The following KCNH1 variants were observed in gnomAD, a reference collection of about 807,000 sequenced individuals.
KCNH1 encodes the protein potassium voltage-gated channel subfamily H member 1, also known as voltage-gated delayed rectifier potassium channel KCNH1.
Under a neutral mutation model 69.2 loss-of-function variants are expected in KCNH1, and 27 were observed. The observed-to-expected ratio is 0.39, with a 90% CI of 0.29 to 0.54. The LOEUF (loss-of-function observed/expected upper bound fraction) is 0.54, where lower values mean the gene tolerates loss of function less well. KCNH1 is among the 20% of genes least tolerant of loss of function. The probability of loss-of-function intolerance (pLI) is 0.68; values close to 1 mark genes in which losing one functional copy is unlikely to be tolerated. For synonymous variants in KCNH1, 456 were observed against 487.7 expected, an observed-to-expected ratio of 0.93 and a Z score of 0.86; for missense variants, 798 against 1,261.6, an observed-to-expected ratio of 0.63 and a Z score of 5.57.
intron 6 of KCNH1, among the ~76,000 whole-genome samples, chr1:211,004,694 A>G (rs140813706): frequency 1.3e-5 from 2 of 152,286 alleles, no homozygotes; most frequent in East Asian, 3.9e-4. Flanking sequence ...AATCCTTCAA[A>G]TTAAAGACAA....
intron 6 of KCNH1, among the ~76,000 whole-genome samples, chr1:210,922,408 A>C (rs1178567571): frequency 8.9e-6 from 1 of 112,990 alleles, no homozygotes; most frequent in Admixed American, 9.3e-5. Flanking sequence ...AAAAAAAAAA[A>C]AAAAAAAAAA....
At chr1:210,764,236 T>C (rs1273637590) in intron 10 of KCNH1, among the ~76,000 whole-genome samples, 1 of 152,124 alleles carries the variant, frequency 6.6e-6, no homozygotes, top group Non-Finnish European at 1.5e-5. Flanking sequence ...AATTAAAGAC[T>C]TAAATGTAAT....
rs1235295613 is a variant in KCNH1, at chr1:210,788,744, T to C, written c.1915+8764A>G. Among the ~76,000 whole-genome samples, 5 of 128,700 alleles carry C rather than the reference T, an allele frequency of 3.9e-5. No homozygotes were observed. The South Asian group carries it at 1.4e-3, about 35-fold the overall frequency. The allele number at this position is 128,700 out of a possible 152,430, so 84.4% of individuals were successfully genotyped here. A position where few individuals can be genotyped will look rare whatever the true frequency, so the allele number is the denominator to read the frequency against. On this transcript the variant is annotated intron_variant, in intron 9 of 10. Coordinates refer to ENST00000271751, the MANE Select transcript of KCNH1 (RefSeq NM_172362.3). Reference sequence around the variant, plus strand: ...CGGAGTCTCGCTCTGTCGCCCAGGCTGGAGTGCAGTGGCGGGATCTCGGCT... The same window carrying C: ...CGGAGTCTCGCTCTGTCGCCCAGGCCGGAGTGCAGTGGCGGGATCTCGGCT...
chr1:210,815,153 C>T (rs770446761), intron 7 of KCNH1, among the ~76,000 whole-genome samples: 27 of 152,092 alleles, frequency 1.8e-4, no homozygotes, highest in African/African-American at 4.8e-4. Flanking sequence ...GGGGTGAGAC[C>T]GAGAAATTTG....
rs1444719204 is a variant in KCNH1, at chr1:210,914,169, A to T, written c.1462+5471T>A. ...CAGCAGAACCCATATCCTACTTTTT[A>T]AAAAGTGTGGCCAATAGCACTGAAG... On this transcript the variant is annotated intron_variant, in intron 7 of 10. Transcript: ENST00000271751. 2.0e-5 allele frequency among the ~76,000 whole-genome samples: 3 copies of T among 152,278 alleles called. No individual in the cohort carries two copies. The East Asian group carries it at 5.8e-4, about 30-fold the overall frequency.
intron 10 of KCNH1, among the ~76,000 whole-genome samples, chr1:210,738,224 A>G (rs553835720): frequency 2.8e-4 from 43 of 152,240 alleles, no homozygotes; most frequent in Admixed American, 1.7e-3. Context: ...TTCTCCTTCA[A>G]TGAATCTAAG....
chr1:210,960,903 C>T (rs1439961857), intron 6 of KCNH1, among the ~76,000 whole-genome samples: 1 of 152,198 alleles, frequency 6.6e-6, no homozygotes, highest in Non-Finnish European at 1.5e-5. Context: ...TCCATATCAA[C>T]ACTTGGTATG....
At chr1:210,719,501 C>T (rs895050455) in intron 10 of KCNH1, among the ~76,000 whole-genome samples, 6 of 152,050 alleles carry the variant, frequency 3.9e-5, no homozygotes, top group East Asian at 1.9e-4. Flanking sequence ...ACAATGAGAA[C>T]GTATGGACAC....
intron 6 of KCNH1, among the ~76,000 whole-genome samples, chr1:210,961,588 C>A (rs1200313557): frequency 6.6e-6 from 1 of 152,122 alleles, no homozygotes; most frequent in Non-Finnish European, 1.5e-5. Context: ...AGCCTGTAAT[C>A]CCAGCACTTT....
At chr1:211,040,146 G>C (rs371020256) in intron 5 of KCNH1, among the ~76,000 whole-genome samples, 1 of 149,508 alleles carries the variant, frequency 6.7e-6, no homozygotes, top group Admixed American at 6.7e-5. Context: ...AGCCAAGATC[G>C]TGCCACTGCA....
At chr1:210,844,529 T>A (rs1024383646) in intron 7 of KCNH1, among the ~76,000 whole-genome samples, 13 of 152,188 alleles carry the variant, frequency 8.5e-5, no homozygotes, top group Admixed American at 2.6e-4. Context: ...TTGAAACCAA[T>A]GAGAACAAAG....
At chr1:210,911,707 T>C (rs1032758971) in intron 7 of KCNH1, among the ~76,000 whole-genome samples, 5 of 151,918 alleles carry the variant, frequency 3.3e-5, no homozygotes, top group African/African-American at 1.2e-4. Context: ...ATGACCCTTA[T>C]CGGTTGGCAT....
At chr1:210,701,662 C>T (rs1028226654) in intron 10 of KCNH1, among the ~76,000 whole-genome samples, 1 of 151,956 alleles carries the variant, frequency 6.6e-6, no homozygotes, top group Non-Finnish European at 1.5e-5. Flanking sequence ...CCTGGCTGCC[C>T]AATAAACCCA....
intron 6 of KCNH1, among the ~76,000 whole-genome samples, chr1:210,998,255 T>C (rs192411924): frequency 7.4e-4 from 113 of 152,272 alleles, no homozygotes; most frequent in African/African-American, 2.7e-3. Context: ...GTGTGTTGTA[T>C]TCAGGAAACA....
intron 6 of KCNH1, among the ~76,000 whole-genome samples, chr1:210,937,182 G>A (rs1002968912): frequency 6.6e-5 from 10 of 152,104 alleles, no homozygotes; most frequent in African/African-American, 2.2e-4. Context: ...TCCATCCATC[G>A]CAATCAGATG....
Position 210,985,751 on chromosome 1 carries a change from T to C in KCNH1, c.1032+33032A>G, listed in dbSNP as rs545734285. On this transcript the variant is annotated intron_variant, in intron 6 of 10. Coordinates refer to ENST00000271751, the MANE Select transcript of KCNH1 (RefSeq NM_172362.3). ...GTGTGGTGTGGTGCTGAAAAGAATGTATATTCTGTTGAGTCGGGGTGGAGA... is the reference window on the plus strand; with the variant it reads ...GTGTGGTGTGGTGCTGAAAAGAATGCATATTCTGTTGAGTCGGGGTGGAGA... Among the ~76,000 whole-genome samples the C allele has an allele frequency of 7.9e-5, 12 of 152,314 alleles. No homozygotes were observed. In the South Asian group the frequency reaches 2.3e-3, roughly 29 times the overall value.
In KCNH1 at chr1:210,988,436, C is replaced by T. The variant is rs970576365; in HGVS notation, c.1032+30347G>A. 5.3e-5 allele frequency among the ~76,000 whole-genome samples: 8 copies of T among 151,728 alleles called. No homozygotes were observed. The East Asian group carries it at 5.8e-4, about 11-fold the overall frequency. ...AGCCATCTTGGCTCCTCCCCCTATG[C>T]GAGAATACTTAAAGCTTTATTATTG... is the stretch of plus-strand genomic sequence containing the variant. On this transcript the variant is annotated intron_variant, in intron 6 of 10. Transcript: ENST00000271751.
At chr1:211,075,476 T>C (rs1571626765) in intron 5 of KCNH1, among the ~76,000 whole-genome samples, 1 of 152,346 alleles carries the variant, frequency 6.6e-6, no homozygotes, top group Non-Finnish European at 1.5e-5. Flanking sequence ...GATCAAGGAC[T>C]GACCAGCCAT....
At position 210,686,997 on chromosome 1, in the gene KCNH1, G is replaced by A. The variant is rs78980360; in HGVS notation, c.2113-2859C>T. On this transcript the variant is annotated intron_variant, in intron 10 of 10. Transcript: ENST00000271751. Reference sequence around the variant, plus strand: ...CACATAAATATTGGCTAATGAATCCGTGGGAGAATATCTTCTTCCTGGAAA... The same window carrying A: ...CACATAAATATTGGCTAATGAATCCATGGGAGAATATCTTCTTCCTGGAAA... Among the ~76,000 whole-genome samples, 164 of 152,234 alleles carry A rather than the reference G, an allele frequency of 1.1e-3. 2 individuals carry two copies. In the East Asian group the frequency reaches 0.022, roughly 21 times the overall value.
Sources: gnomAD v4.1 joint callset for allele counts (sites outside exome capture counted in the v4.1 genomes callset) on GRCh38, gnomAD v4.1.1 for gene constraint, MANE v1.5 for transcripts, NCBI Gene and HGNC (gene_info 2026-07-23, HGNC 2026-07-21) for gene names.